FAM3D: variants seen among roughly 807,000 people sequenced by gnomAD.
FAM3D encodes FAM3 metabolism regulating signaling molecule D, also known as protein FAM3D.
In FAM3D, 26 loss-of-function variants were observed where a neutral mutation model predicts 29.8. That is an observed-to-expected ratio of 0.87 (90% CI 0.64 to 1.21). The LOEUF is 1.21. Among genes scored for constraint, FAM3D ranks in the 50% most tolerant of loss-of-function variants. The pLI is 0.00. For synonymous variants in FAM3D, 115 were observed against 102.3 expected (o/e 1.12, Z -0.75); for missense variants, 253 against 290.9 (o/e 0.87, Z 0.95).
At chr3:58,646,784 C>A (rs1291558620) in intron 4 of FAM3D, among the ~76,000 whole-genome samples, 1 of 152,208 alleles carries the variant, frequency 6.6e-6, no homozygotes, top group Admixed American at 6.5e-5. Context: ...GGGGCCAGGA[C>A]TTTGTGTTTA....
chr3:58,648,398 G>A (rs569021160), intron 4 of FAM3D, among the ~76,000 whole-genome samples: 87 of 152,154 alleles, frequency 5.7e-4, no homozygotes, highest in Non-Finnish European at 9.0e-4. Flanking sequence ...GGGCCTGGAG[G>A]TGCTGCCTCT....
chr3:58,643,638 T>C, intron 6 of FAM3D, 24 bp downstream of exon 6: 1 of 1,612,626 alleles, frequency 6.2e-7, no homozygotes, highest in Non-Finnish European at 8.5e-7. Context: ...GTGGGAACTG[T>C]CTGGGGATGG....
Position 58,634,465 on chromosome 3 carries a change from T to G in FAM3D, c.586-97A>C, listed in dbSNP as rs865850365. ...TGTGCTCTAAACCTAAATGGGGGTG[T>G]GGGATGTTATTAACCCACTTCACAG... On this transcript the variant is annotated intron_variant, in intron 9 of 9. Coordinates refer to ENST00000358781, the MANE Select transcript of FAM3D (RefSeq NM_138805.3). This position sits in a 1 kb window ranked among gnomAD's most constrained non-coding sequence, Gnocchi z 4.6. The G allele has an allele frequency of 2.8e-6, 3 of 1,070,660 alleles. No individual in the cohort carries two copies. The highest frequency in any genetic ancestry group is 4.1e-6 in the Non-Finnish European group (3 of 727,910). The allele number at this position is 1,070,660 out of a possible 1,614,324, so 66.3% of individuals were successfully genotyped here. A position where few individuals can be genotyped will look rare whatever the true frequency, so the allele number is the denominator to read the frequency against.
At chr3:58,640,914 G>T (rs966361957) in intron 6 of FAM3D, among the ~76,000 whole-genome samples, 2 of 152,266 alleles carry the variant, frequency 1.3e-5, no homozygotes, top group Non-Finnish European at 2.9e-5. Flanking sequence ...GCCCCTCCAG[G>T]ATTCTCGGGA....
intron 1 of FAM3D, among the ~76,000 whole-genome samples, chr3:58,664,934 G>T (rs1291547249): frequency 6.6e-6 from 1 of 152,206 alleles, no homozygotes; most frequent in Non-Finnish European, 1.5e-5. Flanking sequence ...TAGTAGACAG[G>T]TAGGTCTCCT....
At chr3:58,660,987 C>T (rs2066918545) in intron 1 of FAM3D, among the ~76,000 whole-genome samples, 1 of 152,188 alleles carries the variant, frequency 6.6e-6, no homozygotes, top group African/African-American at 2.4e-5. Context: ...CCAACTCAAG[C>T]ACAAGTTGTA....
rs766828981 is a variant in FAM3D, at chr3:58,643,746, ACAGT to A, written c.264-30_264-27del. The stretch of plus-strand genomic sequence containing the variant: ...CTGAAGACAATGAAGAAGAAATATG[ACAGT>A]CGGTCCCGAGTGTGGAATGAACACT... On this transcript the variant is annotated intron_variant, in intron 5 of 9. Transcript: ENST00000358781. 40 of 1,612,128 alleles carry A rather than the reference ACAGT, an allele frequency of 2.5e-5. No homozygotes were observed. The African/African-American group carries it at 5.1e-4, about 20-fold the overall frequency.
rs569345444 is a variant in FAM3D at position 58,636,464 on chromosome 3, G to A, written c.459-44C>T. The A allele has an allele frequency of 2.2e-4, 347 of 1,606,100 alleles. 5 individuals are homozygous for A. In the South Asian group the frequency reaches 3.3e-3, roughly 15 times the overall value. ...GATGGTCAGGATGCGGGGGTGGGTC[G>A]CAGGGGCATCAGGTGGTGGGATTCC... On this transcript the variant is annotated intron_variant, in intron 8 of 9. Coordinates refer to ENST00000358781, the MANE Select transcript of FAM3D (RefSeq NM_138805.3).
intron 2 of FAM3D, among the ~76,000 whole-genome samples, chr3:58,654,334 A>T (rs1348505): frequency 0.56 from 85,341 of 152,090 alleles, 26,338 homozygotes; most frequent in Non-Finnish European, 0.68. Context: ...TGTAGTTGTC[A>T]AAAGTAGGCA....
chr3:58,651,687 C>A (rs1215397406), intron 3 of FAM3D, among the ~76,000 whole-genome samples: 1 of 152,110 alleles, frequency 6.6e-6, no homozygotes, highest in Non-Finnish European at 1.5e-5. Flanking sequence ...TTTTCAATTA[C>A]TGCCCCTCTC....
At chr3:58,657,691 G>A (rs1416889582) in intron 1 of FAM3D, 7 of 152,402 alleles carry the variant, frequency 4.6e-5, no homozygotes, top group Non-Finnish European at 8.8e-5. Context: ...CACCTGCAGA[G>A]CTACCTGGTG....
At chr3:58,645,666 A>C in intron 4 of FAM3D, 40 bp from the exon 5 acceptor site, 341 of 1,555,808 alleles carry the variant, frequency 2.2e-4, no homozygotes, top group Non-Finnish European at 2.8e-4. Flanking sequence ...GCAGAAGCTC[A>C]GGAGGTACTT....
chr3:58,666,188 G>A (rs1393593389), intron 1 of FAM3D, among the ~76,000 whole-genome samples: 1 of 152,134 alleles, frequency 6.6e-6, no homozygotes, highest in African/African-American at 2.4e-5. Flanking sequence ...AATAAATGTT[G>A]AGGGGCCCCT....
At chr3:58,661,229 C>T (rs888868208) in intron 1 of FAM3D, among the ~76,000 whole-genome samples, 4 of 152,178 alleles carry the variant, frequency 2.6e-5, no homozygotes, top group African/African-American at 4.8e-5. Flanking sequence ...TAGGTAGACC[C>T]GAGCCTCGGG....
chr3:58,644,978 C>T (rs568981813), intron 5 of FAM3D, among the ~76,000 whole-genome samples: 18 of 152,348 alleles, frequency 1.2e-4, no homozygotes, highest in Non-Finnish European at 1.6e-4. Flanking sequence ...TTTAAACACC[C>T]GTCCCTGAGT....
chr3:58,656,381 C>T (rs2066800692), intron 1 of FAM3D, among the ~76,000 whole-genome samples: 2 of 152,188 alleles, frequency 1.3e-5, no homozygotes, highest in South Asian at 4.1e-4. Flanking sequence ...TGAACACTCC[C>T]TGAAACCCCT....
At chr3:58,651,423 T>A (rs1256016392) in intron 3 of FAM3D, among the ~76,000 whole-genome samples, 1 of 152,222 alleles carries the variant, frequency 6.6e-6, no homozygotes, top group Non-Finnish European at 1.5e-5. Context: ...ACTGGTTACA[T>A]TTCCTGCCAT....
In FAM3D at chr3:58,637,214, G is replaced by A; in HGVS notation, c.385C>T (p.Leu129=). The A allele has an allele frequency of 1.2e-6, 2 of 1,613,178 alleles. No homozygotes were observed. Among genetic ancestry groups the A allele is most frequent in the African/African-American group, 1.3e-5 (1 of 75,000 alleles). ...FDMYSGDVMH[L]VKFLKEIPGG... ...GGAATTTCTTTAAGGAATTTCACTA[G>A]GTGCATAACATCTGGGGGAGGAAGG... The change falls in exon 8 of 10, where the codon CTA becomes TTA. Residue 129 remains leucine (L), a synonymous_variant. Transcript: ENST00000358781.
chr3:58,636,523 A>T lies in FAM3D; in HGVS notation c.459-103T>A, dbSNP rs968370835. The T allele has an allele frequency of 1.1e-5, 17 of 1,509,100 alleles. No homozygotes were observed. The African/African-American group carries it at 2.2e-4, about 19-fold the overall frequency. 93.5% of individuals were successfully genotyped at this position (1,509,100 alleles called of 1,614,324 possible). A position where few individuals can be genotyped will look rare whatever the true frequency, so the allele number is the denominator to read the frequency against. Reference sequence around the variant, plus strand: ...AAGGTTCCCACTCTTCTCCCCATTCAGCATCTGCCCTGGGGGTGTCCAGAG... The same window carrying T: ...AAGGTTCCCACTCTTCTCCCCATTCTGCATCTGCCCTGGGGGTGTCCAGAG... On this transcript the variant is annotated intron_variant, in intron 8 of 9. Coordinates refer to ENST00000358781, the MANE Select transcript of FAM3D (RefSeq NM_138805.3).
Sources: allele counts gnomAD v4.1 joint callset (sites outside exome capture counted in the v4.1 genomes callset), GRCh38; gene constraint gnomAD v4.1.1; non-coding constraint Gnocchi (gnomAD v3.1); transcripts MANE v1.5; gene names NCBI Gene and HGNC (gene_info 2026-07-23, HGNC 2026-07-21).